DDX24: variants seen among roughly 807,000 people sequenced by gnomAD.
DDX24 encodes DEAD-box helicase 24.
Under a neutral mutation model 68.9 loss-of-function variants are expected in DDX24, and 24 were observed. That is an observed-to-expected ratio of 0.35 (90% CI 0.25 to 0.49). DDX24 has a LOEUF of 0.49. Ranked by LOEUF, DDX24 falls within the 20% of genes least tolerant of loss-of-function variation. DDX24 has a pLI of 0.99. For synonymous variants in DDX24, 395 were observed against 385.2 expected (o/e 1.03, Z -0.30); for missense variants, 989 against 1,039.0 (o/e 0.95, Z 0.66).
chr14:94,068,651 AT>A (rs1885758199), intron 2 of DDX24, among the ~76,000 whole-genome samples: 1 of 152,266 alleles, frequency 6.6e-6, no homozygotes, highest in African/African-American at 2.4e-5. Context: ...AATTGAAATT[AT>A]ATCAAGCACT....
chr14:94,064,322 T>C, intron 2 of DDX24, among the ~76,000 whole-genome samples: 1 of 152,232 alleles, frequency 6.6e-6, no homozygotes, highest in Non-Finnish European at 1.5e-5. Context: ...TTGGTCTTAG[T>C]CCTCTGTTGC....
intron 8 of DDX24, 135 bp downstream of exon 8, chr14:94,052,863 G>C: frequency 7.9e-7 from 1 of 1,260,032 alleles, no homozygotes; most frequent in Non-Finnish European, 1.1e-6. Flanking sequence ...CCTGGGACCA[G>C]GGCCTGTTAG....
In DDX24 at chr14:94,049,703, A is replaced by G. The variant is rs2141418183; in HGVS notation, c.*1488T>C. ...AGGGCAGGAGTTTTGAGACCAGCCTACGCCAACATAGTGAGACCCCATCTC... is the reference window on the plus strand; with the variant it reads ...AGGGCAGGAGTTTTGAGACCAGCCTGCGCCAACATAGTGAGACCCCATCTC... On this transcript the variant is annotated 3_prime_UTR_variant, in exon 9 of 9. Coordinates refer to ENST00000621632, the MANE Select transcript of DDX24 (RefSeq NM_020414.4). The G allele has an allele frequency of 6.6e-6, 1 of 150,724 alleles. No individual in the cohort carries two copies. Among genetic ancestry groups the G allele is most frequent in the Non-Finnish European group, 1.5e-5 (1 of 67,898 alleles). 9.3% of individuals were successfully genotyped at this position (150,724 alleles called of 1,614,324 possible).
In DDX24 at chr14:94,075,351, A is replaced by C. The variant is rs1218941907; in HGVS notation, c.718+3674T>G. Reference sequence around the variant, plus strand: ...AAAAAGACTCCAGAGAAAGACCCACACCTATATGGTCACAGACTTTCAACA... The same window carrying C: ...AAAAAGACTCCAGAGAAAGACCCACCCCTATATGGTCACAGACTTTCAACA... On this transcript the variant is annotated intron_variant, in intron 2 of 8. Coordinates refer to ENST00000621632, the MANE Select transcript of DDX24 (RefSeq NM_020414.4). Among the ~76,000 whole-genome samples the C allele has an allele frequency of 2.0e-5, 3 of 152,300 alleles. No homozygotes were observed. In the East Asian group the frequency reaches 5.8e-4, roughly 29 times the overall value.
In DDX24 at chr14:94,048,354, C is replaced by A. The variant is rs1416168788; in HGVS notation, c.*2837G>T. 1.3e-5 allele frequency: 2 copies of A among 152,192 alleles called. No individual in the cohort carries two copies. Among genetic ancestry groups the A allele is most frequent in the Non-Finnish European group, 2.9e-5 (2 of 68,038 alleles). 9.4% of individuals were successfully genotyped at this position (152,192 alleles called of 1,614,324 possible). ...AAGGAAACTTTTAAATCAATGGGAA[C>A]AATTAGCAACAGAAAGAGCACAGTC... is the stretch of plus-strand genomic sequence containing the variant. On this transcript the variant is annotated 3_prime_UTR_variant, in exon 9 of 9. Coordinates refer to ENST00000621632, the MANE Select transcript of DDX24 (RefSeq NM_020414.4).
At position 94,060,472 on chromosome 14, in the gene DDX24, C is replaced by G. The variant is rs371027949; in HGVS notation, c.1539G>C (p.Val513=). 7.1e-5 allele frequency: 115 copies of G among 1,614,160 alleles called. 1 individual carries two copies. In the African/African-American group the frequency reaches 1.3e-3, roughly 19 times the overall value. Residue 513 remains valine (V), a synonymous_variant, in exon 5 of 9, where the codon GTG becomes GTC. Transcript: ENST00000621632. ...GAAGGATTCGAGCAGGAGCCTGATGCACCAGGGTGAGTGTGGCAGAAAAAA... is the reference window on the plus strand; with the variant it reads ...GAAGGATTCGAGCAGGAGCCTGATGGACCAGGGTGAGTGTGGCAGAAAAAA... ...TLVFSATLTL[V]HQAPARILHK...
chr14:94,062,815 G>A (rs1885625262), intron 2 of DDX24, among the ~76,000 whole-genome samples, 194 bp from the exon 3 acceptor site: 1 of 152,174 alleles, frequency 6.6e-6, no homozygotes, highest in Non-Finnish European at 1.5e-5. Flanking sequence ...CCGAGGAAAA[G>A]TATGGCAGGC....
intron 2 of DDX24, among the ~76,000 whole-genome samples, chr14:94,078,204 A>C (rs1885985306): frequency 6.6e-6 from 1 of 152,220 alleles, no homozygotes; most frequent in Non-Finnish European, 1.5e-5. Context: ...ATATGTAAGC[A>C]CTACACCATT....
chr14:94,053,217 A>C lies in DDX24; in HGVS notation c.2179-90T>G. The C allele has an allele frequency of 7.6e-6, 12 of 1,569,494 alleles. No individual in the cohort carries two copies. The South Asian group carries it at 1.4e-4, about 18-fold the overall frequency. ...CACTTGAGTTGTGTTTGTGTGTTTA[A>C]GGCAGGTATCACTCTGCTGCCCAGG... is the stretch of plus-strand genomic sequence containing the variant. On this transcript the variant is annotated intron_variant, in intron 7 of 8. Coordinates refer to ENST00000621632, the MANE Select transcript of DDX24 (RefSeq NM_020414.4).
intron 2 of DDX24, among the ~76,000 whole-genome samples, chr14:94,075,357 A>G (rs1272981209): frequency 6.6e-6 from 1 of 152,214 alleles, no homozygotes; most frequent in African/African-American, 2.4e-5. Flanking sequence ...CCACACCTAT[A>G]TGGTCACAGA....
At chr14:94,055,253 C>A in intron 6 of DDX24, 69 bp from the exon 7 acceptor site, 1 of 1,519,722 alleles carries the variant, frequency 6.6e-7, no homozygotes, top group Non-Finnish European at 9.0e-7. Context: ...CTCAGGGCCA[C>A]ATCCCCAAAC....
intron 1 of DDX24, among the ~76,000 whole-genome samples, chr14:94,080,681 C>T (rs1302795358): frequency 1.3e-5 from 2 of 152,078 alleles, no homozygotes; most frequent in Non-Finnish European, 2.9e-5. Flanking sequence ...CCCGCCGGAC[C>T]CGCTGCGCCA....
chr14:94,080,038 T>C (rs1007268323), intron 1 of DDX24, among the ~76,000 whole-genome samples: 1 of 152,208 alleles, frequency 6.6e-6, no homozygotes, highest in African/African-American at 2.4e-5. Flanking sequence ...CCCACTCCTC[T>C]CTGAACTTCA....
intron 3 of DDX24, 78 bp downstream of exon 3, chr14:94,062,019 G>C: frequency 1.4e-6 from 2 of 1,447,832 alleles, no homozygotes; most frequent in Non-Finnish European, 1.8e-6. Context: ...GAGGGCAGGA[G>C]CCACAGCTCA....
intron 6 of DDX24, chr14:94,057,384 A>C (rs1039861511): frequency 9.5e-5 from 15 of 158,462 alleles, no homozygotes; most frequent in Non-Finnish European, 1.9e-4. Context: ...GAACCCTAAG[A>C]AGCAGGTACT....
chr14:94,066,936 C>T (rs907754089), intron 2 of DDX24, among the ~76,000 whole-genome samples: 6 of 152,074 alleles, frequency 3.9e-5, no homozygotes, highest in African/African-American at 1.4e-4. Flanking sequence ...TCTTCAACAG[C>T]CCCCAACAAA....
chr14:94,068,092 CAACT>C (rs777442080), intron 2 of DDX24, among the ~76,000 whole-genome samples: 1 of 152,120 alleles, frequency 6.6e-6, no homozygotes, highest in African/African-American at 2.4e-5. Context: ...ACTCATCAAC[CAACT>C]ATCTGCTGCC....
intron 2 of DDX24, 24 bp downstream of exon 2, chr14:94,079,001 T>C (rs1303213047): frequency 1.9e-6 from 3 of 1,596,634 alleles, no homozygotes; most frequent in Admixed American, 3.4e-5. Flanking sequence ...GAAGCAATCC[T>C]GCTTTGGCCA....
intron 5 of DDX24, among the ~76,000 whole-genome samples, chr14:94,059,590 T>C (rs1885553827): frequency 6.6e-6 from 1 of 152,236 alleles, no homozygotes; most frequent in African/African-American, 2.4e-5. Context: ...CACGCATGAA[T>C]TTACAATCAA....
Sources: allele counts gnomAD v4.1 joint callset (sites outside exome capture counted in the v4.1 genomes callset), GRCh38; gene constraint gnomAD v4.1.1; transcripts MANE v1.5; gene names NCBI Gene and HGNC (gene_info 2026-07-23, HGNC 2026-07-21).